The following PCDHGA1 variants were observed in gnomAD, a reference collection of about 807,000 sequenced individuals.
PCDHGA1 encodes the protein protocadherin gamma subfamily A, 1, also known as protocadherin gamma-A1.
In PCDHGA1, 32 loss-of-function variants were observed where a neutral mutation model predicts 58.0. That is an observed-to-expected ratio of 0.55 (90% confidence interval 0.42 to 0.74). PCDHGA1 has a LOEUF of 0.74. PCDHGA1 is among the 30% of genes least tolerant of loss of function. PCDHGA1 has a pLI of 0.00. For synonymous variants in PCDHGA1, 498 were observed against 501.1 expected (o/e 0.99, Z 0.08); for missense variants, 1,205 against 1,182.3 (o/e 1.02, Z -0.28).
In PCDHGA1 at chr5:141,486,657, T is replaced by G. The variant is rs1171065175; in HGVS notation, c.2422-8150T>G. On this transcript the variant is annotated intron_variant, in intron 1 of 3. Transcript: ENST00000517417. The surrounding 1 kb of genome is among the most constrained non-coding windows in gnomAD (Gnocchi z 5.0). ...AATGCGCTTATCTCCTACTCACTCC[T>G]GGAGCCCAGGAATCGAGATGTATCA... 3 of 1,614,010 alleles carry G rather than the reference T, an allele frequency of 1.9e-6. No homozygotes were observed. Among genetic ancestry groups the G allele is most frequent in the Non-Finnish European group, 2.5e-6 (3 of 1,180,030 alleles).
intron 1 of PCDHGA1, among the ~76,000 whole-genome samples, chr5:141,438,370 A>G (rs2097956460): frequency 1.3e-5 from 2 of 152,004 alleles, no homozygotes; most frequent in South Asian, 4.2e-4. Context: ...CATTGAGGGC[A>G]GATATAATTT....
chr5:141,413,981 C>T (rs563161887), intron 1 of PCDHGA1: 52 of 1,613,334 alleles, frequency 3.2e-5, no homozygotes, highest in African/African-American at 5.3e-5. Context: ...CTGACAGTCA[C>T]AGCCACCGAC....
In PCDHGA1 at chr5:141,476,718, C is replaced by T; in HGVS notation, c.2422-18089C>T. On this transcript the variant is annotated intron_variant, in intron 1 of 3. Transcript: ENST00000517417. The surrounding 1 kb of genome is among the most constrained non-coding windows in gnomAD (Gnocchi z 7.6). ...TACGCGGAGCTGGTGTTGGAGCGCG[C>T]CCTGGACCGAGAACGGGAGCCTAGT... The T allele has an allele frequency of 1.2e-6, 2 of 1,614,144 alleles. No individual in the cohort carries two copies. The highest frequency in any genetic ancestry group is 2.2e-5 in the East Asian group (1 of 44,874).
intron 1 of PCDHGA1, chr5:141,478,529 A>G: frequency 6.2e-7 from 1 of 1,609,580 alleles, no homozygotes; most frequent in Non-Finnish European, 8.5e-7. Flanking sequence ...GGGTGCAGAG[A>G]GCGCCCCTCC....
In PCDHGA1 at chr5:141,489,184, G is replaced by T; in HGVS notation, c.2422-5623G>T. ...TCAGCTGCTGCATTCCAAGCCCTGG[G>T]TCTACCTTGGAGACAGGACAGCACA... On this transcript the variant is annotated intron_variant, in intron 1 of 3. Transcript: ENST00000517417. This position sits in a 1 kb window ranked among gnomAD's most constrained non-coding sequence, Gnocchi z 4.5. 7.8e-7 allele frequency: 1 copy of T among 1,287,330 alleles called. No homozygotes were observed. Among genetic ancestry groups the T allele is most frequent in the Non-Finnish European group, 1.1e-6 (1 of 928,816 alleles). 79.7% of individuals were successfully genotyped at this position (1,287,330 alleles called of 1,614,324 possible).
At chr5:141,344,051 T>G in intron 1 of PCDHGA1, 1 of 1,549,846 alleles carries the variant, frequency 6.5e-7, no homozygotes, top group East Asian at 2.3e-5. Context: ...ATTGCCTGAG[T>G]TTCCGAAATG....
rs1005538570 is a variant in PCDHGA1, at chr5:141,332,699, T to C, written c.2015T>C (p.Leu672Pro). The C allele has an allele frequency of 2.5e-6, 4 of 1,613,778 alleles. No homozygotes were observed. The highest frequency in any genetic ancestry group is 1.7e-5 in the Admixed American group (1 of 60,008). The change falls in exon 1 of 4, where the codon CTG becomes CCG. Residue 672 changes from leucine (L) to proline (P), a missense_variant. Physicochemically the swap from Leu to Pro is moderately conservative, Grantham distance 98. Coordinates refer to ENST00000517417, the MANE Select transcript of PCDHGA1 (RefSeq NM_018912.3). This position sits in a 1 kb window ranked among gnomAD's most constrained non-coding sequence, Gnocchi z 4.6. The part of the protein sequence containing the change: ...VAVADRISDI[L>P]ADLGSLEPSA... The stretch of plus-strand genomic sequence containing the variant: ...GTGGCCGACAGGATCTCCGACATCC[T>C]GGCCGACCTGGGCAGCCTCGAGCCC...
intron 1 of PCDHGA1, chr5:141,440,019 G>A (rs747595475): frequency 6.5e-5 from 10 of 153,114 alleles, no homozygotes; most frequent in Non-Finnish European, 8.8e-5. Flanking sequence ...AAGGATCTGG[G>A]ACTCAGTGTC....
chr5:141,466,518 T>C (rs1430823209), intron 1 of PCDHGA1, among the ~76,000 whole-genome samples: 2 of 152,222 alleles, frequency 1.3e-5, no homozygotes, highest in Admixed American at 6.5e-5. Flanking sequence ...TCATTTTTTT[T>C]CCTCCCAAAT....
At chr5:141,345,041 G>A in intron 1 of PCDHGA1, 1 of 1,613,942 alleles carries the variant, frequency 6.2e-7, no homozygotes, top group Non-Finnish European at 8.5e-7. Context: ...TTCTAGTCAC[G>A]GTTCTGGATG....
Position 141,431,732 on chromosome 5 carries a change from G to C in PCDHGA1, c.2422-63075G>C. 1 of 1,614,238 alleles carries C rather than the reference G, an allele frequency of 6.2e-7. No individual in the cohort carries two copies. Among genetic ancestry groups the C allele is most frequent in the Non-Finnish European group, 8.5e-7 (1 of 1,180,046 alleles). On this transcript the variant is annotated intron_variant, in intron 1 of 3. Coordinates refer to ENST00000517417, the MANE Select transcript of PCDHGA1 (RefSeq NM_018912.3). The surrounding 1 kb of genome is among the most constrained non-coding windows in gnomAD (Gnocchi z 4.8). ...GATGGAAGTGCAAGCAATGGATAAT[G>C]CAGGATATTCTGCGCGAGCCAAAGT...
At chr5:141,374,220 G>A (rs775122429) in intron 1 of PCDHGA1, 1 of 1,613,984 alleles carries the variant, frequency 6.2e-7, no homozygotes, top group Non-Finnish European at 8.5e-7. Context: ...TCCTTCGTAG[G>A]CAACATCGTC....
In PCDHGA1 at chr5:141,441,656, CT is replaced by C. The variant is rs200391207; in HGVS notation, c.2422-53149del. 8.0e-3 allele frequency: 1,976 copies of C among 247,682 alleles called. 54 individuals carry two copies. The highest frequency in any genetic ancestry group is 0.043 in the African/African-American group (1,846 of 42,486). The allele number at this position is 247,682 out of a possible 1,614,324, so 15.3% of individuals were successfully genotyped here. A position where few individuals can be genotyped will look rare whatever the true frequency, so the allele number is the denominator to read the frequency against. On this transcript the variant is annotated intron_variant, in intron 1 of 3. Coordinates refer to ENST00000517417, the MANE Select transcript of PCDHGA1 (RefSeq NM_018912.3). ...CACAGGCGCTGTGATTCTAGGTGTC[CT>C]TGAGCGCACAGTGCGCCTTCGACCA...
At chr5:141,352,825 T>C (rs1759120516) in intron 1 of PCDHGA1, 2 of 778,004 alleles carry the variant, frequency 2.6e-6, no homozygotes, top group Non-Finnish European at 4.0e-6. Flanking sequence ...CCCGGTCTAC[T>C]AAAATTACAA....
At position 141,490,742 on chromosome 5, in the gene PCDHGA1, C is replaced by A. The variant is rs1281337347; in HGVS notation, c.2422-4065C>A. 1.2e-6 allele frequency: 2 copies of A among 1,614,062 alleles called. No homozygotes were observed. Among genetic ancestry groups the A allele is most frequent in the Non-Finnish European group, 1.7e-6 (2 of 1,180,022 alleles). On this transcript the variant is annotated intron_variant, in intron 1 of 3. Coordinates refer to ENST00000517417, the MANE Select transcript of PCDHGA1 (RefSeq NM_018912.3). This position sits in a 1 kb window ranked among gnomAD's most constrained non-coding sequence, Gnocchi z 5.4. ...ATTGTAGGAAATCAGGTTCAGGGAGCCCCAGCCTCCTCCTTTGTGTATGTC... is the reference window on the plus strand; with the variant it reads ...ATTGTAGGAAATCAGGTTCAGGGAGACCCAGCCTCCTCCTTTGTGTATGTC...
At chr5:141,346,231 C>G (rs1258015592) in intron 1 of PCDHGA1, 3 of 1,614,200 alleles carry the variant, frequency 1.9e-6, no homozygotes, top group Non-Finnish European at 2.5e-6. Flanking sequence ...GGCGGCTTGG[C>G]GAGTACGCCC....
chr5:141,425,177 GGAATTCCAAACTGA>G (rs2096860295), intron 1 of PCDHGA1, among the ~76,000 whole-genome samples: 1 of 152,036 alleles, frequency 6.6e-6, no homozygotes, highest in South Asian at 2.1e-4. Flanking sequence ...TTATACTTGT[GGAATTCCAAACTGA>G]GAAAAATGAT....
At chr5:141,503,325 G>A (rs1002520312) in intron 2 of PCDHGA1, among the ~76,000 whole-genome samples, 10 of 152,104 alleles carry the variant, frequency 6.6e-5, no homozygotes, top group East Asian at 1.9e-4. Flanking sequence ...GGAGGGGCGC[G>A]GTGGCTCACG....
At chr5:141,467,728 C>A (rs2099150053) in intron 1 of PCDHGA1, among the ~76,000 whole-genome samples, 1 of 152,058 alleles carries the variant, frequency 6.6e-6, no homozygotes, top group Admixed American at 6.5e-5. Context: ...GTGGCACAAT[C>A]CCAGCTCGCT....
Sources: allele counts gnomAD v4.1 joint callset (sites outside exome capture counted in the v4.1 genomes callset), GRCh38; gene constraint gnomAD v4.1.1; non-coding constraint Gnocchi (gnomAD v3.1); transcripts MANE v1.5; gene names NCBI Gene and HGNC (gene_info 2026-07-23, HGNC 2026-07-21).